RASSF3: variants seen among roughly 807,000 people sequenced by gnomAD.
RASSF3 encodes ras association domain-containing protein 3.
Under a neutral mutation model 19.9 loss-of-function variants are expected in RASSF3, and 19 were observed. The ratio of observed to expected loss-of-function variants is 0.96; its 90% CI spans 0.67 to 1.40. The LOEUF (loss-of-function observed/expected upper bound fraction) is 1.40, where lower values mean the gene tolerates loss of function less well. Among genes scored for constraint, RASSF3 ranks in the 40% most tolerant of loss-of-function variants. The pLI is 0.00. For missense variants in RASSF3, 306 were observed against 289.8 expected, an observed-to-expected ratio of 1.06 and a Z score of -0.41; for synonymous variants, 110 against 104.2, an observed-to-expected ratio of 1.06 and a Z score of -0.34.
chr12:64,664,818 C>G (rs1306101219), intron 1 of RASSF3, among the ~76,000 whole-genome samples: 7 of 152,142 alleles, frequency 4.6e-5, no homozygotes, highest in Non-Finnish European at 7.3e-5. Context: ...CTGGTTGCCT[C>G]AGTACAAGCA....
upstream of RASSF3, among the ~76,000 whole-genome samples, chr12:64,605,676 G>A (rs888509507): frequency 2.0e-5 from 3 of 151,988 alleles, no homozygotes; most frequent in African/African-American, 7.3e-5. Flanking sequence ...GATCAACTGA[G>A]GTTGGGAGTT....
At position 64,691,504 on chromosome 12, in the gene RASSF3, A is replaced by G; in HGVS notation, c.492A>G (p.Pro164=). ...GCAAGCTCTCAGACCGGGAACATCCACTCTACCTGCGTTTGGTAGCAGGGC... is the reference window on the plus strand; with the variant it reads ...GCAAGCTCTCAGACCGGGAACATCCGCTCTACCTGCGTTTGGTAGCAGGGC... The part of the protein sequence containing the change: ...YACKLSDREH[P]LYLRLVAGPR... The change falls in exon 4 of 5, where the codon CCA becomes CCG. Residue 164 remains proline (P), a synonymous_variant. Transcript: ENST00000542104. The G allele has an allele frequency of 2.5e-6, 4 of 1,613,754 alleles. No homozygotes were observed. Among genetic ancestry groups the G allele is most frequent in the Non-Finnish European group, 3.4e-6 (4 of 1,179,888 alleles).
At chr12:64,621,227 C>T (rs111530094) in intron 1 of RASSF3, among the ~76,000 whole-genome samples, 1,972 of 152,274 alleles carry the variant, frequency 0.013, 41 homozygotes, top group African/African-American at 0.045. Flanking sequence ...TGAGGCACTG[C>T]GCCTGGCACA....
At chr12:64,628,960 G>C (rs1482158273) in intron 1 of RASSF3, among the ~76,000 whole-genome samples, 3 of 149,100 alleles carry the variant, frequency 2.0e-5, no homozygotes, top group African/African-American at 4.9e-5. Flanking sequence ...TTTGAGACAG[G>C]GTCTTGCTTT....
intron 1 of RASSF3, among the ~76,000 whole-genome samples, chr12:64,659,418 GCCCTGGTGGTGAATT>G (rs1281477381): frequency 6.6e-6 from 1 of 152,158 alleles, no homozygotes; most frequent in Non-Finnish European, 1.5e-5. Context: ...AGGGTTCCTA[GCCCTGGTGGTGAATT>G]CCGAGGCGGT....
At chr12:64,592,830 A>T (rs1461097647) in intron 2 of RASSF3, among the ~76,000 whole-genome samples, 4 of 151,460 alleles carry the variant, frequency 2.6e-5, no homozygotes, top group Non-Finnish European at 4.4e-5. Context: ...TTTTATTTTT[A>T]TTTTTTTGTA....
intron 1 of RASSF3, among the ~76,000 whole-genome samples, chr12:64,517,049 T>C (rs1394557776): frequency 7.1e-6 from 1 of 141,530 alleles, no homozygotes; most frequent in African/African-American, 2.6e-5. Flanking sequence ...AGGAATCCTA[T>C]AAGGTATCTA....
chr12:64,516,732 G>A (rs1046748983), intron 1 of RASSF3, among the ~76,000 whole-genome samples: 4 of 151,820 alleles, frequency 2.6e-5, no homozygotes, highest in Non-Finnish European at 4.4e-5. Flanking sequence ...GGGTGCAGTG[G>A]CTCACACCTG....
chr12:64,670,603 C>G (rs1398786701), intron 1 of RASSF3, among the ~76,000 whole-genome samples: 1 of 138,072 alleles, frequency 7.2e-6, no homozygotes, highest in Non-Finnish European at 1.5e-5. Context: ...CTGTAGGTAT[C>G]TTAACAGCAC....
upstream of RASSF3, among the ~76,000 whole-genome samples, chr12:64,531,357 T>C (rs560047471): frequency 6.6e-6 from 1 of 152,374 alleles, no homozygotes; most frequent in South Asian, 2.1e-4. Context: ...GAAAATCAGT[T>C]GACCAAGTAT....
intron 1 of RASSF3, among the ~76,000 whole-genome samples, chr12:64,643,744 G>A (rs1381302519): frequency 6.6e-6 from 1 of 152,000 alleles, no homozygotes; most frequent in South Asian, 2.1e-4. Context: ...AAAATGTTTT[G>A]CATGTGAATT....
chr12:64,622,704 G>A (rs1188648964), intron 1 of RASSF3: 1 of 251,918 alleles, frequency 4.0e-6, no homozygotes, highest in South Asian at 3.6e-5. Flanking sequence ...TTTTTATCAA[G>A]TGAATCTTTT....
intron 1 of RASSF3, chr12:64,628,439 T>G (rs1268565795): frequency 6.6e-6 from 1 of 152,136 alleles, no homozygotes; most frequent in African/African-American, 2.4e-5. Flanking sequence ...AATCAGTACT[T>G]GAGGGTTGCT....
At chr12:64,680,247 G>T in intron 1 of RASSF3, among the ~76,000 whole-genome samples, 1 of 152,156 alleles carries the variant, frequency 6.6e-6, no homozygotes, top group Admixed American at 6.5e-5. Context: ...TAGAGTTAAG[G>T]GTCTTTCTCT....
chr12:64,509,889 C>G (rs948054510), intron 1 of RASSF3, among the ~76,000 whole-genome samples: 3 of 152,150 alleles, frequency 2.0e-5, no homozygotes, highest in African/African-American at 7.2e-5. Context: ...GAGTTCAAGA[C>G]CAGCCTGGCC....
Position 64,618,486 on chromosome 12 carries a change from C to T in RASSF3, c.111+7743C>T, listed in dbSNP as rs865874169. Among the ~76,000 whole-genome samples the T allele has an allele frequency of 2.6e-4, 39 of 152,168 alleles. 1 individual carries two copies. The highest frequency in any genetic ancestry group is 6.8e-3 in the Middle Eastern group (2 of 294). On this transcript the variant is annotated intron_variant, in intron 1 of 4. Transcript: ENST00000542104. ...GGATTACAGGGGCATGCCACCATCC[C>T]CGGCTAATTTTTGTATTTTTAAAGT...
chr12:64,567,417 G>T (rs1869448960), intron 2 of RASSF3, among the ~76,000 whole-genome samples: 1 of 152,150 alleles, frequency 6.6e-6, no homozygotes, highest in Non-Finnish European at 1.5e-5. Flanking sequence ...CTTGTGTTAA[G>T]TGTGGCCAGT....
rs1014589532 is a variant in RASSF3, at chr12:64,554,412, C to T, written c.294+12707C>T. Among the ~76,000 whole-genome samples, 7 of 152,318 alleles carry T rather than the reference C, an allele frequency of 4.6e-5. No individual in the cohort carries two copies. The East Asian group carries it at 1.2e-3, about 25-fold the overall frequency. Reference sequence around the variant, plus strand: ...CTTTGCCTCCTAGGTTCAAGAGATTCTCCTGCCTCAGCTTCCTGAGTAGCT... The same window carrying T: ...CTTTGCCTCCTAGGTTCAAGAGATTTTCCTGCCTCAGCTTCCTGAGTAGCT... On this transcript the variant is annotated intron_variant, in intron 2 of 5. Transcript: ENST00000637125.
chr12:64,523,665 C>CA (rs1565832026), intron 1 of RASSF3, among the ~76,000 whole-genome samples: 2 of 151,036 alleles, frequency 1.3e-5, no homozygotes, highest in South Asian at 2.1e-4. Context: ...AGGAAAAGGG[C>CA]AAAAAAATGC....
Sources: gnomAD v4.1 joint callset for allele counts (sites outside exome capture counted in the v4.1 genomes callset) on GRCh38, gnomAD v4.1.1 for gene constraint, MANE v1.5 for transcripts, NCBI Gene and HGNC (gene_info 2026-07-23, HGNC 2026-07-21) for gene names.